ARHGAP31: variants seen among roughly 807,000 people sequenced by gnomAD.
ARHGAP31 encodes the protein Rho GTPase activating protein 31, also known as rho GTPase-activating protein 31.
ARHGAP31 carries 34 observed loss-of-function variants against 113.9 expected under a neutral mutation model. That is an observed-to-expected ratio of 0.30 (90% CI 0.23 to 0.40). ARHGAP31 has a LOEUF of 0.40. Ranked by LOEUF, ARHGAP31 falls within the 10% of genes least tolerant of loss-of-function variation. The pLI, the probability that ARHGAP31 is intolerant of heterozygous loss-of-function variation, is 1.00. For synonymous variants in ARHGAP31, 650 were observed against 684.8 expected (o/e 0.95, Z 0.79); for missense variants, 1,548 against 1,767.1 (o/e 0.88, Z 2.22).
At chr3:119,348,272 A>C (rs1434149260) in intron 1 of ARHGAP31, among the ~76,000 whole-genome samples, 1 of 152,278 alleles carries the variant, frequency 6.6e-6, no homozygotes, top group Non-Finnish European at 1.5e-5. Flanking sequence ...ACAATGTAAT[A>C]ATAATAGAAA....
intron 1 of ARHGAP31, among the ~76,000 whole-genome samples, chr3:119,328,355 A>C (rs183632832): frequency 1.3e-5 from 2 of 151,432 alleles, no homozygotes; most frequent in East Asian, 3.9e-4. Context: ...CTGATGCTTG[A>C]CTCTCTTGTC....
chr3:119,372,464 GTA>G (rs1220500681), intron 3 of ARHGAP31, among the ~76,000 whole-genome samples: 1 of 151,958 alleles, frequency 6.6e-6, no homozygotes, highest in Non-Finnish European at 1.5e-5. Flanking sequence ...TGTATTTTTA[GTA>G]GAGACGGGGT....
chr3:119,321,886 C>G (rs1403837276), intron 1 of ARHGAP31, among the ~76,000 whole-genome samples: 1 of 152,218 alleles, frequency 6.6e-6, no homozygotes, highest in South Asian at 2.1e-4. Context: ...CTTCTGACCT[C>G]GGGTGATCTG....
At chr3:119,312,952 C>T (rs1000180313) in intron 1 of ARHGAP31, among the ~76,000 whole-genome samples, 15 of 152,144 alleles carry the variant, frequency 9.9e-5, no homozygotes, top group African/African-American at 3.1e-4. Flanking sequence ...GATTGATATT[C>T]TTTGTTCTTT....
At chr3:119,309,428 A>G (rs2079658521) in intron 1 of ARHGAP31, among the ~76,000 whole-genome samples, 1 of 152,134 alleles carries the variant, frequency 6.6e-6, no homozygotes, top group African/African-American at 2.4e-5. Context: ...ATGTTAACTC[A>G]TGTGTCTCTG....
intron 1 of ARHGAP31, among the ~76,000 whole-genome samples, chr3:119,303,055 A>G (rs1451584529): frequency 3.3e-5 from 5 of 152,198 alleles, no homozygotes; most frequent in Admixed American, 3.3e-4. Flanking sequence ...GGTCAGGTGT[A>G]CCCAATTTGT....
chr3:119,319,440 T>C (rs949216634), intron 1 of ARHGAP31, among the ~76,000 whole-genome samples: 2 of 152,136 alleles, frequency 1.3e-5, no homozygotes, highest in Non-Finnish European at 2.9e-5. Flanking sequence ...GTGGAAAATA[T>C]TAAGAAACCA....
intron 6 of ARHGAP31, among the ~76,000 whole-genome samples, chr3:119,384,062 G>A (rs1411595064): frequency 6.6e-6 from 1 of 152,178 alleles, no homozygotes; most frequent in Non-Finnish European, 1.5e-5. Flanking sequence ...TCCACACTTG[G>A]AGAATCACTG....
rs1170010954 is a variant in ARHGAP31 at position 119,380,884 on chromosome 3, C to A, written c.349-20C>A. ...CTGCTCTCAAGCACTCACCAGGCTGCCTTGTGTTCTTCTCCACAGGAGGCA... is the reference window on the plus strand; with the variant it reads ...CTGCTCTCAAGCACTCACCAGGCTGACTTGTGTTCTTCTCCACAGGAGGCA... On this transcript the variant is annotated intron_variant, in intron 3 of 11. Transcript: ENST00000264245. The A allele has an allele frequency of 6.2e-7, 1 of 1,612,502 alleles. No individual in the cohort carries two copies. Among genetic ancestry groups the A allele is most frequent in the African/African-American group, 1.3e-5 (1 of 74,984 alleles).
At chr3:119,311,583 A>G (rs563306470) in intron 1 of ARHGAP31, among the ~76,000 whole-genome samples, 1 of 152,318 alleles carries the variant, frequency 6.6e-6, no homozygotes, top group Admixed American at 6.5e-5. Flanking sequence ...AACAAACCAC[A>G]GTTTGTTTTC....
chr3:119,356,485 G>T (rs2107618819), intron 1 of ARHGAP31, among the ~76,000 whole-genome samples: 1 of 152,020 alleles, frequency 6.6e-6, no homozygotes, highest in South Asian at 2.1e-4. Flanking sequence ...ACAAAAATTA[G>T]CCAGGTGTGG....
chr3:119,380,057 C>T (rs2080382176), intron 3 of ARHGAP31, among the ~76,000 whole-genome samples: 1 of 152,252 alleles, frequency 6.6e-6, no homozygotes, highest in South Asian at 2.1e-4. Context: ...CCTGTAATCA[C>T]ACTGCCTTTA....
intron 1 of ARHGAP31, chr3:119,341,692 T>C (rs1048594906): frequency 1.3e-5 from 2 of 152,148 alleles, no homozygotes; most frequent in Non-Finnish European, 2.9e-5. Flanking sequence ...CTATATATAC[T>C]CTTGTTGCAC....
intron 1 of ARHGAP31, among the ~76,000 whole-genome samples, chr3:119,350,601 G>GCACACTGCAC (rs2080102874): frequency 6.6e-6 from 1 of 152,160 alleles, no homozygotes; most frequent in Non-Finnish European, 1.5e-5. Context: ...GTGCAGAGAG[G>GCACACTGCAC]ACCTTCAGAT....
chr3:119,390,683 C>A, intron 6 of ARHGAP31, 102 bp from the exon 7 acceptor site: 1 of 1,306,382 alleles, frequency 7.7e-7, no homozygotes, highest in Non-Finnish European at 1.1e-6. Context: ...GGCACTCAGC[C>A]CCCATCATAG....
chr3:119,392,719 A>G (rs1402001874), intron 7 of ARHGAP31, among the ~76,000 whole-genome samples: 1 of 152,078 alleles, frequency 6.6e-6, no homozygotes, highest in East Asian at 1.9e-4. Flanking sequence ...CACACTGACT[A>G]CCCTCTGCGT....
chr3:119,336,632 GTTTTAT>G lies in ARHGAP31; in HGVS notation c.101-28678_101-28673del, dbSNP rs150576988. 2.9e-3 allele frequency among the ~76,000 whole-genome samples: 447 copies of G among 152,226 alleles called. 1 individual carries two copies. The highest frequency in any genetic ancestry group is 9.8e-3 in the African/African-American group (406 of 41,546). ...TAAACAATTGCTGCATTTACTGCTGGTTTTATTTTTAATTTTATTGAGATATAATTA... is the reference window on the plus strand; with the variant it reads ...TAAACAATTGCTGCATTTACTGCTGGTTTTAATTTTATTGAGATATAATTA... On this transcript the variant is annotated intron_variant, in intron 1 of 11. Transcript: ENST00000264245.
Position 119,295,011 on chromosome 3 carries a change from T to G in ARHGAP31, c.100+7T>G. On this transcript the variant is annotated splice_region_variant and intron_variant, in intron 1 of 11. Coordinates refer to ENST00000264245, the MANE Select transcript of ARHGAP31 (RefSeq NM_020754.4). Reference sequence around the variant, plus strand: ...GAAAGCTCGGGACAGGATGGTAATGTGCCTTGGCCTTTCTCCCCCGCCCCC... The same window carrying G: ...GAAAGCTCGGGACAGGATGGTAATGGGCCTTGGCCTTTCTCCCCCGCCCCC... 6.2e-7 allele frequency: 1 copy of G among 1,613,952 alleles called. No homozygotes were observed. Among genetic ancestry groups the G allele is most frequent in the Non-Finnish European group, 8.5e-7 (1 of 1,179,842 alleles).
intron 1 of ARHGAP31, among the ~76,000 whole-genome samples, chr3:119,360,975 C>T (rs2107620720): frequency 6.6e-6 from 1 of 152,312 alleles, no homozygotes; most frequent in Admixed American, 6.5e-5. Flanking sequence ...AGCGTCAGTC[C>T]TTCCCATGCC....
Sources: allele counts gnomAD v4.1 joint callset (sites outside exome capture counted in the v4.1 genomes callset), GRCh38; gene constraint gnomAD v4.1.1; transcripts MANE v1.5; gene names NCBI Gene and HGNC (gene_info 2026-07-23, HGNC 2026-07-21).